Variants in PMM2 observed in about 807,000 individuals in gnomAD.
PMM2 encodes phosphomannomutase 2.
PMM2 carries 35 observed loss-of-function variants against 33.2 expected under a neutral mutation model. That is an observed-to-expected ratio of 1.06 (90% CI 0.81 to 1.40). PMM2 has a LOEUF of 1.40. Ranked by LOEUF, PMM2 falls within the 40% of genes most tolerant of loss-of-function variation. The pLI, the probability that PMM2 is intolerant of heterozygous loss-of-function variation, is 0.00. For synonymous variants in PMM2, 153 were observed against 114.7 expected (o/e 1.33, Z -2.13); for missense variants, 386 against 306.0 (o/e 1.26, Z -1.95).
chr16:8,844,812 C>G (rs2060914220), intron 7 of PMM2, among the ~76,000 whole-genome samples: 1 of 152,060 alleles, frequency 6.6e-6, no homozygotes, highest in Admixed American at 6.6e-5. Flanking sequence ...AGTGTGGCGC[C>G]TAGATTGAAA....
intron 7 of PMM2, chr16:8,833,057 G>C (rs1215998892): frequency 1.5e-5 from 4 of 275,310 alleles, no homozygotes; most frequent in African/African-American, 9.2e-5. Flanking sequence ...GCGCGTCCGT[G>C]TGAAGAGACC....
chr16:8,842,441 G>C (rs1031924322), intron 7 of PMM2: 13 of 152,258 alleles, frequency 8.5e-5, no homozygotes, highest in African/African-American at 2.7e-4. Context: ...GAAGTAATGA[G>C]GGCTGTCCCT....
In PMM2 at chr16:8,840,076, A is replaced by G. The variant is rs186079385; in HGVS notation, c.640-7648A>G. 9.3e-3 allele frequency among the ~76,000 whole-genome samples: 1,410 copies of G among 151,924 alleles called. 37 individuals are homozygous for G. Among genetic ancestry groups the G allele is most frequent in the African/African-American group, 0.032 (1,340 of 41,406 alleles). On this transcript the variant is annotated intron_variant, in intron 7 of 7. Transcript: ENST00000268261. ...CCCAGTCTGTCTGTAAGGTGGGGACAGCTGTGTAGGCACTGGAAGAAAGGG... is the reference window on the plus strand; with the variant it reads ...CCCAGTCTGTCTGTAAGGTGGGGACGGCTGTGTAGGCACTGGAAGAAAGGG...
Position 8,801,889 on chromosome 16 carries a change from C to T in PMM2, c.157C>T (p.Gln53Ter), listed in dbSNP as rs1057520708. Residue 53 changes from glutamine (Q) to a stop codon, truncating the protein, a stop_gained, in exon 2 of 8, where the codon CAG becomes TAG. Coordinates refer to ENST00000268261, the MANE Select transcript of PMM2 (RefSeq NM_000303.3). LOFTEE classifies it high-confidence loss of function. ...AGGCGGATCGGACTTTGAGAAAGTG[C>T]AGGAGCAACTGGGAAATGATGGTAA... The part of the protein sequence containing the change: ...VVGGSDFEKV[Q>*]EQLGNDVVEK... 3 of 1,608,126 alleles carry T rather than the reference C, an allele frequency of 1.9e-6. No individual in the cohort carries two copies. Among genetic ancestry groups the T allele is most frequent in the Non-Finnish European group, 2.6e-6 (3 of 1,175,242 alleles).
chr16:8,832,950 G>T (rs1014197715), intron 7 of PMM2: 45 of 983,472 alleles, frequency 4.6e-5, no homozygotes, highest in Non-Finnish European at 5.2e-5. Flanking sequence ...AGAGCTGTCT[G>T]TTGATGACTG....
chr16:8,811,230 A>G (rs553111310), intron 5 of PMM2, 52 bp downstream of exon 5: 31 of 1,195,050 alleles, frequency 2.6e-5, no homozygotes, highest in South Asian at 1.7e-4. Flanking sequence ...TGGAAATAAG[A>G]TATGGCCTGG....
intron 7 of PMM2, among the ~76,000 whole-genome samples, chr16:8,836,845 G>A (rs1364367411): frequency 2.0e-5 from 3 of 151,980 alleles, no homozygotes; most frequent in African/African-American, 7.2e-5. Context: ...GAACCTAAAC[G>A]CTATCTGATT....
intron 7 of PMM2, among the ~76,000 whole-genome samples, chr16:8,827,718 GCA>G (rs1491394143): frequency 1.2e-3 from 53 of 42,822 alleles, no homozygotes; most frequent in African/African-American, 5.4e-3. Flanking sequence ...TTAAATGTGT[GCA>G]TATATATATA....
chr16:8,805,714 T>A (rs2060644212), intron 3 of PMM2, among the ~76,000 whole-genome samples: 1 of 151,990 alleles, frequency 6.6e-6, no homozygotes, highest in Non-Finnish European at 1.5e-5. Context: ...TGCCTCAGCC[T>A]CCCTAGGTGG....
chr16:8,847,860 A>C lies in PMM2; in HGVS notation c.*35A>C. The C allele has an allele frequency of 6.6e-7, 1 of 1,513,972 alleles. No individual in the cohort carries two copies. The highest frequency in any genetic ancestry group is 9.2e-7 in the Non-Finnish European group (1 of 1,092,762). The allele number at this position is 1,513,972 out of a possible 1,614,324, so 93.8% of individuals were successfully genotyped here. On this transcript the variant is annotated 3_prime_UTR_variant, in exon 8 of 8. Transcript: ENST00000268261. Reference sequence around the variant, plus strand: ...GGGAGGGGCGGGGTCCCGGCTGACAAGCCAGCATAGGGCATTCGGTGGCCA... The same window carrying C: ...GGGAGGGGCGGGGTCCCGGCTGACACGCCAGCATAGGGCATTCGGTGGCCA...
At chr16:8,839,328 G>C (rs1224972892) in intron 7 of PMM2, among the ~76,000 whole-genome samples, 1 of 152,008 alleles carries the variant, frequency 6.6e-6, no homozygotes, top group African/African-American at 2.4e-5. Context: ...CAAAACTGGA[G>C]ATGTAAAGTA....
intron 7 of PMM2, among the ~76,000 whole-genome samples, chr16:8,826,002 C>G (rs894060715): frequency 6.6e-6 from 1 of 152,128 alleles, no homozygotes; most frequent in Admixed American, 6.5e-5. Context: ...GATCTGCCTG[C>G]GTCGGCCTTC....
At chr16:8,805,613 G>A (rs969774711) in intron 3 of PMM2, among the ~76,000 whole-genome samples, 4 of 148,628 alleles carry the variant, frequency 2.7e-5, no homozygotes, top group African/African-American at 7.5e-5. Flanking sequence ...TTCTTTTTTC[G>A]TGGTGGAATC....
At position 8,797,848 on chromosome 16, in the gene PMM2, A is replaced by C. The variant is rs766596446; in HGVS notation, c.-35A>C. ...GTTCCGGGCCGAGTTCCTCGTGCCA[A>C]CGTGTCTTGTAAGGTGCGGCTAGAA... On this transcript the variant is annotated 5_prime_UTR_variant, in exon 1 of 8. Transcript: ENST00000268261. 6.2e-7 allele frequency: 1 copy of C among 1,606,102 alleles called. No homozygotes were observed. The highest frequency in any genetic ancestry group is 2.2e-5 in the East Asian group (1 of 44,604).
chr16:8,804,081 G>A (rs1451331667), intron 2 of PMM2, among the ~76,000 whole-genome samples: 3 of 115,994 alleles, frequency 2.6e-5, no homozygotes, highest in South Asian at 2.8e-4. Context: ...CACCGTTGCC[G>A]AGGCTGGAGT....
At chr16:8,807,456 C>G (rs1046639489) in intron 4 of PMM2, 2 of 150,738 alleles carry the variant, frequency 1.3e-5, no homozygotes, top group African/African-American at 4.9e-5. Flanking sequence ...GACTGCTTCT[C>G]TCATTTTCTG....
intron 7 of PMM2, among the ~76,000 whole-genome samples, chr16:8,823,349 G>A (rs138082122): frequency 2.0e-5 from 3 of 152,156 alleles, no homozygotes; most frequent in Admixed American, 6.6e-5. Flanking sequence ...GTAGCCCACA[G>A]AGAATTCAGG....
chr16:8,806,373 A>G lies in PMM2; in HGVS notation c.313A>G (p.Ser105Gly). Reference sequence around the variant, plus strand: ...CCAAGATTTAATCAACTACTGTCTGAGCTACATTGCGAAAATTAAACTCCC... The same window carrying G: ...CCAAGATTTAATCAACTACTGTCTGGGCTACATTGCGAAAATTAAACTCCC... ...LIQDLINYCL[S>G]YIAKIKLPKK... Residue 105 changes from serine (S) to glycine (G), a missense_variant, in exon 4 of 8, where the codon AGC becomes GGC. Ser to Gly is a moderately conservative substitution (Grantham distance 56, BLOSUM62 0). Transcript: ENST00000268261. 6.2e-7 allele frequency: 1 copy of G among 1,613,452 alleles called. No individual in the cohort carries two copies. Among genetic ancestry groups the G allele is most frequent in the Middle Eastern group, 1.6e-4 (1 of 6,062 alleles).
intron 7 of PMM2, chr16:8,832,300 G>GT: frequency 3.0e-6 from 3 of 985,434 alleles, no homozygotes; most frequent in Non-Finnish European, 3.6e-6. Context: ...TCTGAAAGCG[G>GT]GTGGAGCTGA....
Sources: gnomAD v4.1 joint callset for allele counts (sites outside exome capture counted in the v4.1 genomes callset) on GRCh38, gnomAD v4.1.1 for gene constraint, MANE v1.5 for transcripts, NCBI Gene and HGNC (gene_info 2026-07-23, HGNC 2026-07-21) for gene names.